Variants in GOPC observed in about 807,000 individuals in gnomAD.
The protein encoded by GOPC is golgi associated PDZ and coiled-coil motif containing.
In GOPC, 32 loss-of-function variants were observed where a neutral mutation model predicts 51.2. The observed-to-expected ratio is 0.63, with a 90% CI of 0.47 to 0.84. The LOEUF is 0.84. Ranked by LOEUF, GOPC falls within the 40% of genes least tolerant of loss-of-function variation. The probability of loss-of-function intolerance (pLI) is 0.00; values close to 1 mark genes in which losing one functional copy is unlikely to be tolerated. For synonymous variants in GOPC, 190 were observed against 205.1 expected (o/e 0.93, Z 0.63); for missense variants, 441 against 555.5 (o/e 0.79, Z 2.07).
chr6:117,567,724 T>A (rs184701384), intron 7 of GOPC, among the ~76,000 whole-genome samples: 120 of 152,162 alleles, frequency 7.9e-4, no homozygotes, highest in African/African-American at 2.8e-3. Context: ...CTCTTTTACA[T>A]GAACGAGAAA....
At chr6:117,566,273 C>T (rs1779694713) in intron 8 of GOPC, among the ~76,000 whole-genome samples, 2 of 152,120 alleles carry the variant, frequency 1.3e-5, no homozygotes, top group African/African-American at 2.4e-5. Flanking sequence ...ACCTCATGAA[C>T]TCTGCTAAAA....
intron 2 of GOPC, 30 bp downstream of exon 2, chr6:117,578,870 C>T (rs373728600): frequency 6.6e-7 from 1 of 1,504,240 alleles, no homozygotes; most frequent in African/African-American, 1.4e-5. Context: ...AAAATACATG[C>T]AAGGGCATGT....
chr6:117,569,629 G>A lies in GOPC; in HGVS notation c.1020C>T (p.Asn340=), dbSNP rs202217864. ...LHVGDAILAV[N]GVNLRDTKHK... is the part of the protein sequence containing the mutation. ...GCTTTGTGTCCCTTAGGTTAACTCC[G>A]TTGACTGCCAAAATAGCATCCCCAA... The change falls in exon 7 of 9, where the codon AAC becomes AAT. Residue 340 remains asparagine, a synonymous_variant. Coordinates refer to ENST00000368498, the MANE Select transcript of GOPC (RefSeq NM_020399.4). 1.2e-5 allele frequency: 20 copies of A among 1,612,690 alleles called. No individual in the cohort carries two copies. The highest frequency in any genetic ancestry group is 6.7e-5 in the African/African-American group (5 of 74,922).
intron 7 of GOPC, among the ~76,000 whole-genome samples, chr6:117,568,439 G>C (rs11755139): frequency 0.036 from 5,422 of 152,230 alleles, 128 homozygotes; most frequent in Non-Finnish European, 0.051. Flanking sequence ...ATTTTAATAT[G>C]TGCTTAGTTA....
At position 117,575,191 on chromosome 6, in the gene GOPC, C is replaced by T; in HGVS notation, c.636G>A (p.Lys212=). ...TTTTTACACACCTTCCTGCCAGTTC[C>T]TTATCCAAGTACTTGGCAGCTAGTC... ...GARLAAKYLD[K]ELAGRVQQIQ... Residue 212 remains lysine, a synonymous_variant, in exon 4 of 9, where the codon AAG becomes AAA. Transcript: ENST00000368498. 6.2e-7 allele frequency: 1 copy of T among 1,601,474 alleles called. No individual in the cohort carries two copies. Among genetic ancestry groups the T allele is most frequent in the Non-Finnish European group, 8.5e-7 (1 of 1,176,718 alleles).
rs187104693 is a variant in GOPC, at chr6:117,598,365, C to T, written c.285+3639G>A. Among the ~76,000 whole-genome samples the T allele has an allele frequency of 5.2e-3, 794 of 151,578 alleles. 6 individuals carry two copies. The highest frequency in any genetic ancestry group is 8.2e-3 in the Non-Finnish European group (558 of 67,830). On this transcript the variant is annotated intron_variant, in intron 1 of 8. Coordinates refer to ENST00000368498, the MANE Select transcript of GOPC (RefSeq NM_020399.4). ...TCCAGCCTGGGTAACAGAGTGAGGC[C>T]CTGTCTCAAAAAAAGAAAAAAAAAA...
chr6:117,566,661 G>A (rs1213784059), intron 8 of GOPC, among the ~76,000 whole-genome samples, 193 bp downstream of exon 8: 2 of 152,082 alleles, frequency 1.3e-5, no homozygotes, highest in Admixed American at 1.3e-4. Flanking sequence ...AACAGTCCAA[G>A]ATGAATATAG....
At chr6:117,594,153 T>G (rs942700487) in intron 1 of GOPC, among the ~76,000 whole-genome samples, 1 of 152,230 alleles carries the variant, frequency 6.6e-6, no homozygotes, top group African/African-American at 2.4e-5. Context: ...CCTCTCTGTC[T>G]GTTCAAACTT....
At chr6:117,591,367 T>C (rs1032774485) in intron 1 of GOPC, among the ~76,000 whole-genome samples, 1 of 152,352 alleles carries the variant, frequency 6.6e-6, no homozygotes, top group Middle Eastern at 3.4e-3. Context: ...ATTTGATGGT[T>C]CAAACTATTT....
At position 117,563,149 on chromosome 6, in the gene GOPC, G is replaced by T; in HGVS notation, c.*105C>A. 1 of 1,033,756 alleles carries T rather than the reference G, an allele frequency of 9.7e-7. No individual in the cohort carries two copies. Among genetic ancestry groups the T allele is most frequent in the Non-Finnish European group, 1.4e-6 (1 of 691,936 alleles). 64.0% of individuals were successfully genotyped at this position (1,033,756 alleles called of 1,614,324 possible). On this transcript the variant is annotated 3_prime_UTR_variant, in exon 9 of 9. Transcript: ENST00000368498. ...CCTGAGGTACCCGCCTTTCATTTAGGCAACAAACAGCCTCCCCTGATTTTG... is the reference window on the plus strand; with the variant it reads ...CCTGAGGTACCCGCCTTTCATTTAGTCAACAAACAGCCTCCCCTGATTTTG...
intron 4 of GOPC, among the ~76,000 whole-genome samples, 160 bp from the exon 5 acceptor site, chr6:117,573,792 T>C (rs186075590): frequency 2.6e-5 from 4 of 151,974 alleles, no homozygotes; most frequent in Admixed American, 2.6e-4. Flanking sequence ...AAAAAAAATA[T>C]GAAAACTCTG....
intron 5 of GOPC, among the ~76,000 whole-genome samples, chr6:117,572,080 G>T (rs1305609699): frequency 6.6e-6 from 1 of 152,092 alleles, no homozygotes; most frequent in African/African-American, 2.4e-5. Context: ...CTTCAAAACA[G>T]ATTTCTCTTC....
intron 1 of GOPC, among the ~76,000 whole-genome samples, chr6:117,590,058 A>C (rs1780092281): frequency 6.6e-6 from 1 of 152,332 alleles, no homozygotes; most frequent in East Asian, 1.9e-4. Context: ...TGTATACATG[A>C]ATATAGAGTC....
chr6:117,565,256 T>C (rs990966699), intron 8 of GOPC, among the ~76,000 whole-genome samples: 4 of 152,236 alleles, frequency 2.6e-5, no homozygotes, highest in African/African-American at 4.8e-5. Flanking sequence ...TGTATTTTCA[T>C]ATATCTGCTT....
intron 1 of GOPC, among the ~76,000 whole-genome samples, chr6:117,600,590 G>A (rs567924716): frequency 1.8e-4 from 28 of 152,216 alleles, no homozygotes; most frequent in South Asian, 1.0e-3. Flanking sequence ...GATCACCTGA[G>A]GCCAGGAATT....
chr6:117,563,444 A>ATTGC, intron 8 of GOPC, 60 bp from the exon 9 acceptor site: 1 of 1,541,892 alleles, frequency 6.5e-7, no homozygotes. Context: ...GGTTTTGGTC[A>ATTGC]GGTGCAGTGG....
At chr6:117,600,789 T>C (rs970984263) in intron 1 of GOPC, among the ~76,000 whole-genome samples, 2 of 152,260 alleles carry the variant, frequency 1.3e-5, no homozygotes, top group Admixed American at 1.3e-4. Flanking sequence ...TTCATTTACC[T>C]ACAGTAAGAA....
At chr6:117,563,494 G>T in intron 8 of GOPC, 110 bp from the exon 9 acceptor site, 1 of 992,370 alleles carries the variant, frequency 1.0e-6, no homozygotes, top group Non-Finnish European at 1.5e-6. Flanking sequence ...GGCCAAGGTG[G>T]GTGGATAACC....
At chr6:117,592,666 A>G (rs775261092) in intron 1 of GOPC, among the ~76,000 whole-genome samples, 4 of 152,128 alleles carry the variant, frequency 2.6e-5, no homozygotes, top group Admixed American at 6.6e-5. Context: ...CTAATCCACT[A>G]TAATCTTACC....
Sources: gnomAD v4.1 joint callset for allele counts (sites outside exome capture counted in the v4.1 genomes callset) on GRCh38, gnomAD v4.1.1 for gene constraint, MANE v1.5 for transcripts, NCBI Gene and HGNC (gene_info 2026-07-23, HGNC 2026-07-21) for gene names.